The following LIMS2 variants were observed in gnomAD, a reference collection of about 807,000 sequenced individuals.
LIMS2 encodes the protein LIM and senescent cell antigen-like-containing domain protein 2.
LIMS2 carries 30 observed loss-of-function variants against 45.3 expected under a neutral mutation model. The observed-to-expected ratio is 0.66, with a 90% CI of 0.50 to 0.90. The LOEUF (loss-of-function observed/expected upper bound fraction) is 0.90, where lower values mean the gene tolerates loss of function less well. Among genes scored for constraint, LIMS2 ranks in the 40% least tolerant of loss-of-function variants. The pLI, the probability that LIMS2 is intolerant of heterozygous loss-of-function variation, is 0.00. For missense variants in LIMS2, 485 were observed against 468.7 expected (o/e 1.03, Z -0.32); for synonymous variants, 173 against 188.0 (o/e 0.92, Z 0.65).
Position 127,671,302 on chromosome 2 carries a change from A to G in LIMS2, c.11+3712T>C, listed in dbSNP as rs34248355. 0.16 allele frequency among the ~76,000 whole-genome samples: 23,760 copies of G among 152,082 alleles called. 2,022 individuals are homozygous for G. The highest frequency in any genetic ancestry group is 0.26 in the South Asian group (1,244 of 4,826). On this transcript the variant is annotated intron_variant, in intron 1 of 9. Transcript: ENST00000355119. This position sits in a 1 kb window ranked among gnomAD's most constrained non-coding sequence, Gnocchi z 4.1. ...AAAAAAATTAGCCGGTTGTGGTGGT[A>G]TGCACCTGTAGTCCCAGCTACTTGG...
upstream of LIMS2, among the ~76,000 whole-genome samples, chr2:127,678,634 G>A (rs1227262746): frequency 1.3e-5 from 2 of 152,236 alleles, no homozygotes; most frequent in Non-Finnish European, 2.9e-5. This position sits in a 1 kb window ranked among gnomAD's most constrained non-coding sequence, Gnocchi z 5.3. Flanking sequence ...ATGTGTGTGT[G>A]TGGCCGGCGT....
intron 1 of LIMS2, among the ~76,000 whole-genome samples, chr2:127,662,713 C>T (rs1684753997): frequency 1.3e-5 from 2 of 151,562 alleles, no homozygotes; most frequent in Admixed American, 1.3e-4. Flanking sequence ...TTAATGGGTG[C>T]AGCAAACCAA....
chr2:127,645,408 C>T (rs553176901), intron 4 of LIMS2, among the ~76,000 whole-genome samples: 1 of 152,318 alleles, frequency 6.6e-6, no homozygotes, highest in Admixed American at 6.5e-5. Context: ...GAACTTTGTT[C>T]ACTCAGTCTC....
At position 127,640,907 on chromosome 2, in the gene LIMS2, G is replaced by A. The variant is rs200573598; in HGVS notation, c.742C>T (p.His248Tyr). 3 of 1,613,746 alleles carry A rather than the reference G, an allele frequency of 1.9e-6. No individual in the cohort carries two copies. The highest frequency in any genetic ancestry group is 4.5e-5 in the East Asian group (2 of 44,884). ...TGCACCGGGCTCACCTGGTTGTAGTGAGTCTCGCAGTAGGCCAGGCCCTTC... is the reference window on the plus strand; with the variant it reads ...TGCACCGGGCTCACCTGGTTGTAGTAAGTCTCGCAGTAGGCCAGGCCCTTC... ...EKKGLAYCET[H>Y]YNQLFGDVCY... Residue 248 changes from histidine to tyrosine, a missense_variant, in exon 7 of 10, where the codon CAC becomes TAC. By Grantham distance (83) the His-to-Tyr change is moderately conservative. Transcript: ENST00000355119.
intron 1 of LIMS2, among the ~76,000 whole-genome samples, chr2:127,659,058 C>A (rs1106438): frequency 6.6e-6 from 1 of 151,944 alleles, no homozygotes. Flanking sequence ...CAGGGGTGGA[C>A]GACAGGGCTG....
Position 127,639,224 on chromosome 2 carries a change from T to G in LIMS2, c.*57A>C. ...TGGATGGGGACGAGGGGGCCAAGCA[T>G]GGACAGCAGGAGGGGAGAAGGCGGA... On this transcript the variant is annotated 3_prime_UTR_variant, in exon 10 of 10. Transcript: ENST00000355119. 1 of 1,589,052 alleles carries G rather than the reference T, an allele frequency of 6.3e-7. No homozygotes were observed. Among genetic ancestry groups the G allele is most frequent in the African/African-American group, 1.3e-5 (1 of 74,268 alleles).
At chr2:127,659,983 C>A (rs1451198839) in intron 1 of LIMS2, among the ~76,000 whole-genome samples, 5 of 152,210 alleles carry the variant, frequency 3.3e-5, no homozygotes, top group Admixed American at 6.5e-5. Context: ...GCTTCACCAC[C>A]CTTCCTCCCT....
At chr2:127,676,368 C>A (rs1055541364), upstream of LIMS2, among the ~76,000 whole-genome samples, 1 of 151,150 alleles carries the variant, frequency 6.6e-6, no homozygotes, top group African/African-American at 2.4e-5. Context: ...ACACCTGTTC[C>A]TAAGTGGCTG....
intron 4 of LIMS2, among the ~76,000 whole-genome samples, chr2:127,649,157 G>GAGGAAGGTAGGAAGGA (rs1683397301): frequency 1.4e-5 from 1 of 73,862 alleles, no homozygotes; most frequent in Non-Finnish European, 3.0e-5. Context: ...GTGAGAGAGA[G>GAGGAAGGTAGGAAGGA]AGGAAGGTAG....
chr2:127,641,931 G>A lies in LIMS2; in HGVS notation c.660+118C>T, dbSNP rs2244754. 368 of 1,247,082 alleles carry A rather than the reference G, an allele frequency of 3.0e-4. No individual in the cohort carries two copies. The African/African-American group carries it at 4.8e-3, about 16-fold the overall frequency. The allele number at this position is 1,247,082 out of a possible 1,614,324, so 77.3% of individuals were successfully genotyped here. A position where few individuals can be genotyped will look rare whatever the true frequency, so the allele number is the denominator to read the frequency against. On this transcript the variant is annotated intron_variant, in intron 6 of 9. Transcript: ENST00000355119. ...GGCAGTACCCCTGAGGAAGGGCCTC[G>A]TTGGGAGCCAGCCACCCGCCCTGGG...
chr2:127,661,074 C>G (rs1029086604), intron 1 of LIMS2, among the ~76,000 whole-genome samples: 2 of 152,226 alleles, frequency 1.3e-5, no homozygotes, highest in Admixed American at 1.3e-4. Context: ...CATGCAGAGA[C>G]AACGGAGACA....
chr2:127,663,725 T>G (rs1684827651), intron 1 of LIMS2, among the ~76,000 whole-genome samples: 1 of 147,918 alleles, frequency 6.8e-6, no homozygotes, highest in Admixed American at 6.8e-5. Context: ...GCCCTATTGC[T>G]CTCTCTTCCC....
In LIMS2 at chr2:127,647,888, C is replaced by T; in HGVS notation, c.360-4816G>A. The stretch of plus-strand genomic sequence containing the variant: ...CTCCCCTGCCACCGTCCCACCGGTA[C>T]CTGCTCCCTGTTCTCCCCTGCCTCA... On this transcript the variant is annotated intron_variant, in intron 4 of 9. Coordinates refer to ENST00000355119, the MANE Select transcript of LIMS2 (RefSeq NM_001161403.3). This position sits in a 1 kb window ranked among gnomAD's most constrained non-coding sequence, Gnocchi z 4.3. 1 of 430,272 alleles carries T rather than the reference C, an allele frequency of 2.3e-6. No homozygotes were observed. Among genetic ancestry groups the T allele is most frequent in the Non-Finnish European group, 3.1e-6 (1 of 321,970 alleles). The allele number at this position is 430,272 out of a possible 1,614,324, so 26.7% of individuals were successfully genotyped here.
chr2:127,673,577 A>G, intron 1 of LIMS2: 13 of 1,197,366 alleles, frequency 1.1e-5, no homozygotes, highest in Non-Finnish European at 1.4e-5. Flanking sequence ...CTTGCCAGGG[A>G]GCAGTGGCAC....
At chr2:127,654,356 G>A in intron 4 of LIMS2, 68 bp downstream of exon 4, 1 of 1,603,444 alleles carries the variant, frequency 6.2e-7, no homozygotes, top group Non-Finnish European at 8.5e-7. Context: ...GTAGCACACA[G>A]GAGAGGTGGC....
At chr2:127,665,950 AT>A (rs1394154229) in intron 1 of LIMS2, among the ~76,000 whole-genome samples, 2 of 152,234 alleles carry the variant, frequency 1.3e-5, no homozygotes, top group Non-Finnish European at 2.9e-5. Context: ...GTACTAATCA[AT>A]TCAACAAATA....
rs1030996984 is a variant in LIMS2 at position 127,647,441 on chromosome 2, G to A, written c.360-4369C>T. ...GCCTTGACTCCCTAACCTGCAACAT[G>A]GGGCTAAAACTGGTTTGAGCCAGCA... On this transcript the variant is annotated intron_variant, in intron 4 of 9. Coordinates refer to ENST00000355119, the MANE Select transcript of LIMS2 (RefSeq NM_001161403.3). This position sits in a 1 kb window ranked among gnomAD's most constrained non-coding sequence, Gnocchi z 4.3. Among the ~76,000 whole-genome samples the A allele has an allele frequency of 2.0e-5, 3 of 152,148 alleles. No individual in the cohort carries two copies. Among genetic ancestry groups the A allele is most frequent in the East Asian group, 3.9e-4 (2 of 5,184 alleles).
intron 4 of LIMS2, among the ~76,000 whole-genome samples, chr2:127,645,076 A>G (rs1243362499): frequency 2.0e-5 from 3 of 152,078 alleles, no homozygotes; most frequent in Admixed American, 6.6e-5. Flanking sequence ...AAAACAAAAC[A>G]CACACACACA....
At chr2:127,654,294 T>G in intron 4 of LIMS2, 130 bp downstream of exon 4, 5 of 1,262,680 alleles carry the variant, frequency 4.0e-6, no homozygotes, top group Non-Finnish European at 4.5e-6. Flanking sequence ...GGAGGGCAGC[T>G]ACATCAGTGC....
Sources: gnomAD v4.1 joint callset for allele counts (sites outside exome capture counted in the v4.1 genomes callset) on GRCh38, gnomAD v4.1.1 for gene constraint, Gnocchi (gnomAD v3.1) non-coding constraint, MANE v1.5 for transcripts, NCBI Gene and HGNC (gene_info 2026-07-23, HGNC 2026-07-21) for gene names.